Variants in DIS3L2 observed in about 807,000 individuals in gnomAD.
DIS3L2 encodes DIS3 like 3'-5' exoribonuclease 2.
Under a neutral mutation model 97.5 loss-of-function variants are expected in DIS3L2, and 34 were observed. The observed-to-expected ratio is 0.35, with a 90% CI of 0.27 to 0.46. The LOEUF is 0.46. DIS3L2 is among the 20% of genes least tolerant of loss of function. The pLI is 1.00. For missense variants in DIS3L2, 1,038 were observed against 1,146.0 expected (o/e 0.91, Z 1.36); for synonymous variants, 435 against 445.2 (o/e 0.98, Z 0.29).
At position 232,136,537 on chromosome 2, in the gene DIS3L2, TAAG is replaced by T. The variant is rs1274748833; in HGVS notation, c.771_773del (p.Lys257del). 1 of 1,613,978 alleles carries T rather than the reference TAAG, an allele frequency of 6.2e-7. No individual in the cohort carries two copies. The highest frequency in any genetic ancestry group is 1.3e-5 in the African/African-American group (1 of 74,926). ...CCGGCTTCCTCAAACTCTTGGCTGA[TAAG>T]AACAGCGAACTGTTTAGGAAATACG... On this transcript the variant is annotated inframe_deletion, in exon 8 of 21. Transcript: ENST00000325385.
At chr2:232,170,140 C>T (rs1690943464) in intron 9 of DIS3L2, among the ~76,000 whole-genome samples, 1 of 152,100 alleles carries the variant, frequency 6.6e-6, no homozygotes, top group Non-Finnish European at 1.5e-5. Context: ...ATTTGAGGAT[C>T]AGGAAGATAA....
chr2:232,335,279 G>A, intron 19 of DIS3L2: 1 of 187,536 alleles, frequency 5.3e-6, no homozygotes, highest in Non-Finnish European at 1.1e-5. Flanking sequence ...AGAGTGCCCT[G>A]GGAGTACAGT....
chr2:232,336,480 C>G lies in DIS3L2; in HGVS notation c.2508C>G (p.Ile836Met), dbSNP rs770873624. 1 of 1,611,128 alleles carries G rather than the reference C, an allele frequency of 6.2e-7. No homozygotes were observed. The highest frequency in any genetic ancestry group is 8.5e-7 in the Non-Finnish European group (1 of 1,179,358). ...EQEPAQQVIT[I>M]FSLVEVVLQA... ...TGGGCTCTGCACAGGTCATCACCAT[C>G]TTCAGCCTGGTGGAGGTGGTCCTGC... The change falls in exon 21 of 21, where the codon ATC (isoleucine) becomes ATG (methionine). Residue 836 changes from isoleucine (I) to methionine (M), a missense_variant. Physicochemically the swap from Ile to Met is conservative, Grantham distance 10. Transcript: ENST00000325385.
intron 9 of DIS3L2, 42 bp from the exon 10 acceptor site, chr2:232,210,284 A>G (rs1004298073): frequency 4.0e-6 from 6 of 1,501,460 alleles, no homozygotes; most frequent in Non-Finnish European, 5.6e-6. Context: ...TAAAGTTGCT[A>G]TTATTTGTGG....
Position 232,330,003 on chromosome 2 carries a change from G to A in DIS3L2, c.1923+7G>A, listed in dbSNP as rs1695689615. The A allele has an allele frequency of 1.9e-6, 3 of 1,602,336 alleles. No individual in the cohort carries two copies. The highest frequency in any genetic ancestry group is 1.1e-5 in the South Asian group (1 of 90,228). On this transcript the variant is annotated splice_region_variant and intron_variant, in intron 15 of 20. Transcript: ENST00000325385. ...CTCCGCAGGAGCCCTCAATGTGAGT[G>A]GTGGGCAGGATTCGGGGGAGGCCCT...
chr2:232,220,062 A>G (rs1424621198), intron 10 of DIS3L2, among the ~76,000 whole-genome samples: 4 of 152,028 alleles, frequency 2.6e-5, no homozygotes, highest in African/African-American at 7.3e-5. Flanking sequence ...ACTTAACGCC[A>G]AGAGTTCAAA....
At chr2:232,046,220 G>T (rs948425856) in intron 5 of DIS3L2, among the ~76,000 whole-genome samples, 2 of 152,160 alleles carry the variant, frequency 1.3e-5, no homozygotes, top group South Asian at 4.1e-4. Flanking sequence ...GTTGAGCCTG[G>T]ATACATTGGC....
chr2:232,210,289 T>C, intron 9 of DIS3L2, 37 bp from the exon 10 acceptor site: 4 of 1,534,818 alleles, frequency 2.6e-6, no homozygotes, highest in Non-Finnish European at 3.6e-6. Context: ...TTGCTATTAT[T>C]TGTGGCATTG....
At chr2:232,095,304 T>C (rs1208315389) in intron 6 of DIS3L2, among the ~76,000 whole-genome samples, 1 of 152,222 alleles carries the variant, frequency 6.6e-6, no homozygotes, top group Admixed American at 6.5e-5. Context: ...TGCTTTTTAA[T>C]TTTTGTGTAT....
chr2:232,112,675 A>G (rs1697574496), intron 6 of DIS3L2, among the ~76,000 whole-genome samples: 1 of 152,046 alleles, frequency 6.6e-6, no homozygotes, highest in South Asian at 2.1e-4. Flanking sequence ...GAGATGTCAC[A>G]TGGAGTTAGG....
At chr2:231,969,636 T>C (rs1487041415) in intron 1 of DIS3L2, among the ~76,000 whole-genome samples, 3 of 152,126 alleles carry the variant, frequency 2.0e-5, no homozygotes, top group African/African-American at 4.8e-5. Context: ...ATAGATTCCA[T>C]TGGATTTTCT....
Position 232,330,763 on chromosome 2 carries a change from C to T in DIS3L2, c.1997C>T (p.Ser666Phe). ...AAGGAGGTGCTCACCAACATGTGCTCCCGGCCCATGCAGGTAAGGAGGGCC... is the reference window on the plus strand; with the variant it reads ...AAGGAGGTGCTCACCAACATGTGCTTCCGGCCCATGCAGGTAAGGAGGGCC... ...ARKEVLTNMC[S>F]RPMQMALYFC... The change falls in exon 16 of 21, where the codon TCC (serine) becomes TTC (phenylalanine). Residue 666 changes from serine (S) to phenylalanine (F), a missense_variant. Physicochemically the swap from Ser to Phe is radical, Grantham distance 155. Transcript: ENST00000325385. 3 of 1,611,872 alleles carry T rather than the reference C, an allele frequency of 1.9e-6. No individual in the cohort carries two copies. Among genetic ancestry groups the T allele is most frequent in the South Asian group, 2.2e-5 (2 of 91,084 alleles).
At chr2:232,141,339 C>T (rs1340123338) in intron 8 of DIS3L2, among the ~76,000 whole-genome samples, 1 of 152,150 alleles carries the variant, frequency 6.6e-6, no homozygotes, top group African/African-American at 2.4e-5. Flanking sequence ...CGTTTTACAG[C>T]AGCTACCGTG....
chr2:232,052,102 C>T (rs540397066), intron 5 of DIS3L2, among the ~76,000 whole-genome samples: 14 of 151,824 alleles, frequency 9.2e-5, no homozygotes, highest in African/African-American at 3.4e-4. Flanking sequence ...TGGCTCACTG[C>T]AACCTCCGTC....
intron 5 of DIS3L2, among the ~76,000 whole-genome samples, chr2:232,063,756 G>A (rs1484520557): frequency 2.6e-5 from 4 of 152,010 alleles, no homozygotes; most frequent in African/African-American, 9.7e-5. Context: ...CTTTGTGGGT[G>A]TACTTATTTC....
intron 8 of DIS3L2, among the ~76,000 whole-genome samples, chr2:232,137,110 C>T (rs1225948652): frequency 9.2e-5 from 14 of 152,176 alleles, no homozygotes; most frequent in Non-Finnish European, 1.2e-4. Context: ...AGACCCCAGG[C>T]TCCTTTGCTT....
At chr2:232,066,272 T>C (rs904282081) in intron 5 of DIS3L2, among the ~76,000 whole-genome samples, 11 of 152,014 alleles carry the variant, frequency 7.2e-5, no homozygotes, top group Admixed American at 7.2e-4. Context: ...TTTAGGTTTT[T>C]CATAGATGCC....
intron 9 of DIS3L2, among the ~76,000 whole-genome samples, chr2:232,196,393 A>C (rs942345970): frequency 5.3e-5 from 8 of 152,244 alleles, no homozygotes; most frequent in Admixed American, 1.3e-4. Flanking sequence ...AATAATCTCA[A>C]TATTTTATAA....
chr2:232,199,146 C>T (rs1048673006), intron 9 of DIS3L2, among the ~76,000 whole-genome samples: 2 of 152,154 alleles, frequency 1.3e-5, no homozygotes, highest in Admixed American at 1.3e-4. Flanking sequence ...CATTGATGTT[C>T]TACTGGTTCC....
Sources: gnomAD v4.1 joint callset for allele counts (sites outside exome capture counted in the v4.1 genomes callset) on GRCh38, gnomAD v4.1.1 for gene constraint, MANE v1.5 for transcripts, NCBI Gene and HGNC (gene_info 2026-07-23, HGNC 2026-07-21) for gene names.